The following PVT1 variants were observed in gnomAD, a reference collection of about 807,000 sequenced individuals.
The protein encoded by PVT1 is CXCR4/PVT1 fusion.
chr8:127,959,038 C>T (rs1183713877), intron 3 of PVT1, among the ~76,000 whole-genome samples: 1 of 53,334 alleles, frequency 1.9e-5, no homozygotes, highest in Non-Finnish European at 3.5e-5. Context: ...TGCCCCTTAG[C>T]GGGGTGGGGT....
intron 3 of PVT1, among the ~76,000 whole-genome samples, chr8:127,895,419 C>T (rs554756276): frequency 3.9e-5 from 6 of 152,090 alleles, no homozygotes; most frequent in South Asian, 4.2e-4. Context: ...TGCAGTGAGC[C>T]GAGATTGCAC....
At chr8:127,979,432 A>T (rs538289178) in intron 3 of PVT1, among the ~76,000 whole-genome samples, 18 of 152,214 alleles carry the variant, frequency 1.2e-4, no homozygotes, top group Admixed American at 4.6e-4. Context: ...CATCTTGGTG[A>T]CACAAGGCCT....
intron 3 of PVT1, among the ~76,000 whole-genome samples, chr8:127,984,985 T>TTC (rs1456443559): frequency 8.0e-6 from 1 of 125,128 alleles, no homozygotes; most frequent in East Asian, 2.2e-4. Context: ...CTTCCTTTCT[T>TTC]TCTTTCTCTT....
intron 3 of PVT1, among the ~76,000 whole-genome samples, chr8:127,970,296 T>C (rs900566346): frequency 4.2e-5 from 5 of 119,096 alleles, no homozygotes; most frequent in Non-Finnish European, 8.8e-5. Context: ...TTTGTTTTTT[T>C]TTTTTTTTTT....
At chr8:127,832,240 G>C (rs552310676) in intron 2 of PVT1, among the ~76,000 whole-genome samples, 1 of 152,124 alleles carries the variant, frequency 6.6e-6, no homozygotes, top group Non-Finnish European at 1.5e-5. Context: ...GGGAGGATCT[G>C]AATGACATCT....
rs1340675005 is a variant in PVT1 at position 127,943,952 on chromosome 8, C to T, written n.783-45210C>T. On this transcript the variant is annotated intron_variant and non_coding_transcript_variant, in intron 3 of 10. Coordinates refer to ENST00000651587, the Ensembl canonical transcript of PVT1. ...GAGAAAAAAATCATCCCATCTACTTCAGGACTTTTGTGTGATTAAAGAGGC... is the reference window on the plus strand; with the variant it reads ...GAGAAAAAAATCATCCCATCTACTTTAGGACTTTTGTGTGATTAAAGAGGC... 5.9e-5 allele frequency among the ~76,000 whole-genome samples: 9 copies of T among 152,166 alleles called. 1 individual carries two copies. The highest frequency in any genetic ancestry group is 5.2e-4 in the Admixed American group (8 of 15,282).
chr8:127,805,082 C>T (rs992847889), intron 2 of PVT1, among the ~76,000 whole-genome samples: 4 of 151,668 alleles, frequency 2.6e-5, no homozygotes, highest in Non-Finnish European at 5.9e-5. Context: ...AGGCGCTCAC[C>T]ACCACGCCCG....
intron 3 of PVT1, among the ~76,000 whole-genome samples, chr8:127,924,401 A>G (rs1322521706): frequency 6.6e-6 from 1 of 151,988 alleles, no homozygotes; most frequent in Admixed American, 6.6e-5. Flanking sequence ...CAGTGGTGCC[A>G]TCTTGGCTCA....
intron 4 of PVT1, among the ~76,000 whole-genome samples, chr8:128,018,889 T>C (rs755429167): frequency 6.6e-6 from 1 of 152,212 alleles, no homozygotes; most frequent in African/African-American, 2.4e-5. Flanking sequence ...GAGAAGATTG[T>C]TCCTTGATAA....
chr8:127,934,686 A>G (rs1816250751), intron 3 of PVT1, among the ~76,000 whole-genome samples: 1 of 151,494 alleles, frequency 6.6e-6, no homozygotes, highest in South Asian at 2.1e-4. Flanking sequence ...CCCTTCATAG[A>G]TTTCTAACAG....
chr8:128,007,342 A>C (rs1817259306), intron 4 of PVT1, among the ~76,000 whole-genome samples: 1 of 152,226 alleles, frequency 6.6e-6, no homozygotes, highest in African/African-American at 2.4e-5. Flanking sequence ...AAGATGTCAA[A>C]ATTGAGAAGT....
intron 2 of PVT1, among the ~76,000 whole-genome samples, chr8:127,816,213 A>T (rs1814657468): frequency 6.6e-6 from 1 of 152,182 alleles, no homozygotes; most frequent in South Asian, 2.1e-4. Flanking sequence ...CCTGCCTAGG[A>T]TCCAAACTAT....
chr8:128,076,582 C>T (rs936892937), intron 5 of PVT1, among the ~76,000 whole-genome samples: 4 of 152,158 alleles, frequency 2.6e-5, no homozygotes, highest in Non-Finnish European at 4.4e-5. Flanking sequence ...ATTCTACTTC[C>T]AAAGTTGTTT....
chr8:128,005,528 G>T (rs1451807037), intron 4 of PVT1, among the ~76,000 whole-genome samples: 1 of 152,162 alleles, frequency 6.6e-6, no homozygotes, highest in Non-Finnish European at 1.5e-5. Flanking sequence ...GCTATCTTTT[G>T]TACATGTACC....
In PVT1 at chr8:128,043,803, C is replaced by CACACACACACAT. The variant is rs1554606714; in HGVS notation, n.913-26356_913-26355insCACACACACATA. Among the ~76,000 whole-genome samples the CACACACACACAT allele has an allele frequency of 2.9e-3, 409 of 142,482 alleles. 1 individual carries two copies. Among genetic ancestry groups the CACACACACACAT allele is most frequent in the African/African-American group, 0.01 (379 of 37,770 alleles). 93.5% of individuals were successfully genotyped at this position (142,482 alleles called of 152,430 possible). A position where few individuals can be genotyped will look rare whatever the true frequency, so the allele number is the denominator to read the frequency against. On this transcript the variant is annotated intron_variant and non_coding_transcript_variant, in intron 4 of 10. Transcript: ENST00000651587. ...ACACACACACACACACACACACACA[C>CACACACACACAT]ATACACAAGGAGGCCAAACATCTTG...
At chr8:127,977,631 A>C (rs1816836074) in intron 3 of PVT1, among the ~76,000 whole-genome samples, 1 of 152,122 alleles carries the variant, frequency 6.6e-6, no homozygotes, top group East Asian at 1.9e-4. Context: ...GCTACTCGGG[A>C]GGCTGAGGCT....
intron 2 of PVT1, among the ~76,000 whole-genome samples, chr8:127,836,543 T>C (rs984497347): frequency 4.6e-5 from 7 of 152,122 alleles, no homozygotes; most frequent in African/African-American, 1.4e-4. Flanking sequence ...AGCCCCTCCA[T>C]GGTGGAAGAA....
intron 3 of PVT1, among the ~76,000 whole-genome samples, chr8:127,980,791 C>CTTTTTTTTTTTTTTTT (rs11361552): frequency 1.7e-5 from 2 of 120,420 alleles, no homozygotes; most frequent in Non-Finnish European, 3.4e-5. Context: ...ACTACAGCTT[C>CTTTTTTTTTTTTTTTT]TTTTTTTTTT....
chr8:127,883,379 T>C (rs1324909619), intron 2 of PVT1, among the ~76,000 whole-genome samples: 2 of 152,146 alleles, frequency 1.3e-5, no homozygotes, highest in Non-Finnish European at 2.9e-5. Flanking sequence ...GGGTAGGGAA[T>C]AGACGCAGCC....
Sources: gnomAD v4.1 joint callset for allele counts (sites outside exome capture counted in the v4.1 genomes callset) on GRCh38, gnomAD v4.1.1 for gene constraint, MANE v1.5 for transcripts, NCBI Gene and HGNC (gene_info 2026-07-23, HGNC 2026-07-21) for gene names.